AKAP19: variants seen among roughly 807,000 people sequenced by gnomAD.
The protein encoded by AKAP19 is A-kinase anchoring protein 19, also known as small A-kinase anchoring protein.
At chr2:190,155,662 A>G in the AKAP19 span, among the ~76,000 whole-genome samples, 34 of 152,294 alleles carry the variant, frequency 2.2e-4, no homozygotes, top group African/African-American at 7.9e-4. Context: ...TGGAAAGCTA[A>G]TAACTTCAAT....
At chr2:189,881,555 T>G in the AKAP19 span, among the ~76,000 whole-genome samples, 3 of 152,178 alleles carry the variant, frequency 2.0e-5, no homozygotes, top group Non-Finnish European at 2.9e-5. Context: ...CATAGATCTG[T>G]AGGCAGGTAT....
chr2:190,128,489 A>AGAGG, the AKAP19 span, among the ~76,000 whole-genome samples: 1 of 152,228 alleles, frequency 6.6e-6, no homozygotes, highest in Non-Finnish European at 1.5e-5. Context: ...ACGGAGAAGG[A>AGAGG]GAGGGAGTGC....
At chr2:190,118,796 GA>G in the AKAP19 span, among the ~76,000 whole-genome samples, 3 of 152,174 alleles carry the variant, frequency 2.0e-5, no homozygotes, top group Non-Finnish European at 2.9e-5. Context: ...CATTCCCTTT[GA>G]AAACAGGCAC....
the AKAP19 span, among the ~76,000 whole-genome samples, chr2:189,989,561 A>G: frequency 2.0e-5 from 3 of 151,454 alleles, no homozygotes; most frequent in Admixed American, 2.0e-4. Context: ...CTGTCAGAAC[A>G]TACAAAAAAA....
At chr2:190,060,226 CAA>C in the AKAP19 span, 1 of 1,613,086 alleles carries the variant, frequency 6.2e-7, no homozygotes, top group Non-Finnish European at 8.5e-7. Context: ...GGGTTCATGT[CAA>C]GTTTCAGAGA....
At chr2:190,196,906 A>AT in the AKAP19 span, among the ~76,000 whole-genome samples, 1 of 152,170 alleles carries the variant, frequency 6.6e-6, no homozygotes, top group Non-Finnish European at 1.5e-5. Flanking sequence ...TGGAGTATTT[A>AT]GAAGACTGGG....
At chr2:189,972,445 G>A in the AKAP19 span, among the ~76,000 whole-genome samples, 2 of 152,192 alleles carry the variant, frequency 1.3e-5, no homozygotes, top group Non-Finnish European at 2.9e-5. Context: ...TTTTGGCTTA[G>A]GATTGTCTTG....
the AKAP19 span, among the ~76,000 whole-genome samples, chr2:190,110,390 T>A: frequency 2.0e-5 from 3 of 152,216 alleles, no homozygotes; most frequent in Non-Finnish European, 4.4e-5. Context: ...AACATTGTTT[T>A]CCAGGGCCAT....
the AKAP19 span, among the ~76,000 whole-genome samples, chr2:190,186,874 C>CT: frequency 6.6e-6 from 1 of 152,168 alleles, no homozygotes; most frequent in Non-Finnish European, 1.5e-5. The surrounding 1 kb of genome is among the most constrained non-coding windows in gnomAD (Gnocchi z 5.5). Flanking sequence ...GAGTCTCACT[C>CT]TATCGCCCAG....
At chr2:189,886,956 A>G in the AKAP19 span, among the ~76,000 whole-genome samples, 1 of 152,172 alleles carries the variant, frequency 6.6e-6, no homozygotes, top group African/African-American at 2.4e-5. Flanking sequence ...ATTAGTGGAG[A>G]TGAACTCAAT....
chr2:190,166,317 C>CTTTTTTTTTTTTT, the AKAP19 span, among the ~76,000 whole-genome samples: 117 of 65,286 alleles, frequency 1.8e-3, 2 homozygotes, highest in African/African-American at 7.1e-3. Context: ...AAAATCCACT[C>CTTTTTTTTTTTTT]TTTTTTTTTT....
At chr2:189,947,598 A>C in the AKAP19 span, among the ~76,000 whole-genome samples, 6 of 152,166 alleles carry the variant, frequency 3.9e-5, no homozygotes, top group African/African-American at 9.6e-5. Context: ...CTCGGCAATT[A>C]AATGATGATA....
chr2:189,952,756 A>T, the AKAP19 span, among the ~76,000 whole-genome samples: 3 of 152,308 alleles, frequency 2.0e-5, no homozygotes, highest in Non-Finnish European at 2.9e-5. Flanking sequence ...ACTTCTACTT[A>T]TTTTTTGATC....
At chr2:190,027,316 A>C in the AKAP19 span, among the ~76,000 whole-genome samples, 1 of 152,154 alleles carries the variant, frequency 6.6e-6, no homozygotes, top group East Asian at 1.9e-4. Flanking sequence ...ATCAAACTTG[A>C]CTGGAGGTCT....
chr2:189,883,443 A>G, the AKAP19 span, among the ~76,000 whole-genome samples: 1 of 152,064 alleles, frequency 6.6e-6, no homozygotes, highest in Non-Finnish European at 1.5e-5. Flanking sequence ...TCTGAAATCA[A>G]GATGCTGAAC....
At chr2:190,148,189 G>A in the AKAP19 span, among the ~76,000 whole-genome samples, 3 of 152,118 alleles carry the variant, frequency 2.0e-5, no homozygotes, top group African/African-American at 7.2e-5. Flanking sequence ...CTTGTTTGCT[G>A]ATTTTGTTGA....
At chr2:189,971,204 A>G in the AKAP19 span, among the ~76,000 whole-genome samples, 1 of 152,062 alleles carries the variant, frequency 6.6e-6, no homozygotes, top group Admixed American at 6.6e-5. Flanking sequence ...TCATTGTTCA[A>G]TTCCCACCTA....
At chr2:190,175,950 G>C in the AKAP19 span, among the ~76,000 whole-genome samples, 1 of 152,164 alleles carries the variant, frequency 6.6e-6, no homozygotes, top group Non-Finnish European at 1.5e-5. Context: ...GAGGCTTCTT[G>C]TGGCATTTAG....
At chr2:190,003,660 TC>T in the AKAP19 span, among the ~76,000 whole-genome samples, 2 of 152,088 alleles carry the variant, frequency 1.3e-5, no homozygotes, top group African/African-American at 4.8e-5. Flanking sequence ...GACCAGGGGT[TC>T]AAGACCAGCC....
Sources: allele counts gnomAD v4.1 joint callset (sites outside exome capture counted in the v4.1 genomes callset), GRCh38; gene constraint gnomAD v4.1.1; non-coding constraint Gnocchi (gnomAD v3.1); transcripts MANE v1.5; gene names NCBI Gene and HGNC (gene_info 2026-07-23, HGNC 2026-07-21).